CBLC: variants seen among roughly 807,000 people sequenced by gnomAD.
The protein encoded by CBLC is Cbl proto-oncogene C.
A neutral mutation model predicts 58.6 loss-of-function variants in CBLC; 46 were observed. The observed-to-expected ratio is 0.79, with a 90% CI of 0.62 to 1.00. The LOEUF (loss-of-function observed/expected upper bound fraction) is 1.00. Among genes scored for constraint, CBLC ranks in the 50% least tolerant of loss-of-function variants. CBLC has a pLI of 0.00. For missense variants in CBLC, 655 were observed against 625.8 expected, an observed-to-expected ratio of 1.05 and a Z score of -0.50; for synonymous variants, 271 against 264.2, an observed-to-expected ratio of 1.03 and a Z score of -0.25.
chr19:44,788,185 G>A (rs1247377722), intron 5 of CBLC, among the ~76,000 whole-genome samples: 1 of 151,954 alleles, frequency 6.6e-6, no homozygotes, highest in Admixed American at 6.6e-5. Context: ...CATGAACACG[G>A]CTCACTGCTG....
At chr19:44,783,652 G>C (rs553572970) in intron 4 of CBLC, among the ~76,000 whole-genome samples, 70 of 152,268 alleles carry the variant, frequency 4.6e-4, no homozygotes, top group African/African-American at 1.6e-3. Flanking sequence ...CTGCACTCCA[G>C]CCTGGGCAAC....
In CBLC at chr19:44,800,413, G is replaced by T. The variant is rs1011305311; in HGVS notation, c.1395G>T (p.Ala465=). 1 of 1,613,360 alleles carries T rather than the reference G, an allele frequency of 6.2e-7. No homozygotes were observed. The highest frequency in any genetic ancestry group is 2.2e-5 in the East Asian group (1 of 44,850). The stretch of plus-strand genomic sequence containing the variant: ...TAAAGGGGAACTCCCCTCCAGCTGC[G>T]CTGGGACCCCAGGACCCTGCCCCGG... ...RLLKGNSPPA[A]LGPQDPAPA Residue 465 remains alanine, a synonymous_variant, in exon 10 of 11, where the codon GCG becomes GCT. Coordinates refer to ENST00000647358, the MANE Select transcript of CBLC (RefSeq NM_012116.4).
chr19:44,787,431 G>T (rs141293695), intron 5 of CBLC, among the ~76,000 whole-genome samples: 1 of 151,778 alleles, frequency 6.6e-6, no homozygotes, highest in African/African-American at 2.4e-5. Flanking sequence ...GTCAATCGTA[G>T]AAGTCCCTTC....
chr19:44,796,888 A>C (rs1374096398), intron 9 of CBLC, among the ~76,000 whole-genome samples: 3 of 149,440 alleles, frequency 2.0e-5, no homozygotes, highest in African/African-American at 7.3e-5. Context: ...AGCAAACAAG[A>C]GAGCCAGCAG....
At chr19:44,784,470 A>C (rs1599861766) in intron 5 of CBLC, 69 bp downstream of exon 5, 8 of 1,448,910 alleles carry the variant, frequency 5.5e-6, no homozygotes, top group Non-Finnish European at 9.3e-7. Flanking sequence ...CATGTTGTGC[A>C]CTGCCGGTGG....
chr19:44,780,295 G>A (rs1417057300), intron 1 of CBLC, among the ~76,000 whole-genome samples: 1 of 149,834 alleles, frequency 6.7e-6, no homozygotes, highest in East Asian at 2.0e-4. Context: ...CCACCACGCA[G>A]CGATAATTTT....
At chr19:44,780,562 T>A (rs1341250840) in intron 1 of CBLC, among the ~76,000 whole-genome samples, 1 of 146,330 alleles carries the variant, frequency 6.8e-6, no homozygotes, top group Non-Finnish European at 1.5e-5. Context: ...TACCTCTGCC[T>A]CCCGGGCTCC....
At chr19:44,781,987 G>A (rs1174598339) in intron 3 of CBLC, among the ~76,000 whole-genome samples, 2 of 143,518 alleles carry the variant, frequency 1.4e-5, no homozygotes, top group East Asian at 2.1e-4. Flanking sequence ...GGACTCCTGG[G>A]TCTGAGGGAG....
intron 5 of CBLC, among the ~76,000 whole-genome samples, chr19:44,785,415 G>A (rs965209800): frequency 1.3e-5 from 2 of 151,702 alleles, no homozygotes; most frequent in Non-Finnish European, 2.9e-5. Flanking sequence ...CAGGAAGACA[G>A]GTTTCTTTTC....
chr19:44,778,202 A>G lies in CBLC; in HGVS notation c.271A>G (p.Ser91Gly). 6.7e-7 allele frequency: 1 copy of G among 1,503,336 alleles called. No homozygotes were observed. The highest frequency in any genetic ancestry group is 8.9e-7 in the Non-Finnish European group (1 of 1,127,408). The allele number at this position is 1,503,336 out of a possible 1,614,324, so 93.1% of individuals were successfully genotyped here. Residue 91 changes from serine (S) to glycine (G), a missense_variant, in exon 1 of 11, where the codon AGC (serine) becomes GGC (glycine). Ser to Gly is a moderately conservative substitution (Grantham distance 56). Coordinates refer to ENST00000647358, the MANE Select transcript of CBLC (RefSeq NM_012116.4). The stretch of plus-strand genomic sequence containing the variant: ...CTACCTGGCCAATCTGGAGGCCAAG[A>G]GCAGGCAGGTGGCCGCGCTGCTGCC... ...LIYLANLEAKSRQVAALLPPR... is the reference protein window; with the variant it reads ...LIYLANLEAKGRQVAALLPPR...
intron 5 of CBLC, among the ~76,000 whole-genome samples, chr19:44,785,037 T>C (rs182745935): frequency 2.2e-5 from 3 of 139,292 alleles, no homozygotes; most frequent in Admixed American, 1.6e-4. Flanking sequence ...AATGGCATGA[T>C]CTCGGCTCAC....
rs777753616 is a variant in CBLC, at chr19:44,778,119, G to C, written c.188G>C (p.Arg63Pro). The C allele has an allele frequency of 6.3e-7, 1 of 1,599,962 alleles. No individual in the cohort carries two copies. The highest frequency in any genetic ancestry group is 1.3e-5 in the African/African-American group (1 of 74,296). The change falls in exon 1 of 11, where the codon CGG becomes CCG. Residue 63 changes from arginine (R) to proline (P), a missense_variant. By Grantham distance (103) the Arg-to-Pro change is moderately radical. Around this residue, in one of 3 missense-constraint regions of CBLC, gnomAD observed 280 missense variants for 237.2 expected, o/e 1.18. Coordinates refer to ENST00000647358, the MANE Select transcript of CBLC (RefSeq NM_012116.4). ...CTTCGAGAGGTGGCCCATTCTCGGC[G>C]GGCGGCCGGCGGAGGCGGCCCCGGG... ...QLLREVAHSR[R>P]AAGGGGPGGP...
chr19:44,785,571 GATA>G (rs1391883154), intron 5 of CBLC, among the ~76,000 whole-genome samples: 5 of 151,616 alleles, frequency 3.3e-5, no homozygotes, highest in Non-Finnish European at 1.5e-5. Context: ...TAGATAGATA[GATA>G]GGCAGATAGG....
At chr19:44,796,871 C>T (rs1380909237) in intron 9 of CBLC, among the ~76,000 whole-genome samples, 1 of 151,556 alleles carries the variant, frequency 6.6e-6, no homozygotes, top group Non-Finnish European at 1.5e-5. Context: ...GAACATTATT[C>T]GACCACAGCA....
intron 9 of CBLC, among the ~76,000 whole-genome samples, chr19:44,795,775 G>A (rs1968164759): frequency 6.6e-6 from 1 of 152,204 alleles, no homozygotes; most frequent in East Asian, 1.9e-4. Flanking sequence ...CAACCTTCCT[G>A]CAGGTCAGGC....
At chr19:44,784,950 GTTTTTTTTTTTTTTTTT>G (rs58171575) in intron 5 of CBLC, among the ~76,000 whole-genome samples, 36 of 34,364 alleles carry the variant, frequency 1.0e-3, no homozygotes, top group African/African-American at 1.7e-3. Flanking sequence ...CTAGACAGGT[GTTTTTTTTTTTTTTTTT>G]TTTTTTTTTT....
rs755514112 is a variant in CBLC, at chr19:44,800,371, TC to T, written c.1363-8del. 4 of 1,600,450 alleles carry T rather than the reference TC, an allele frequency of 2.5e-6. No individual in the cohort carries two copies. The African/African-American group carries it at 5.4e-5, about 21-fold the overall frequency. ...GAATCAACCGCCCTCTCAAAATATC[TC>T]CATTGCAGAGACTCCTAAAGGGGAA... On this transcript the variant is annotated splice_polypyrimidine_tract_variant and intron_variant, in intron 9 of 10. Transcript: ENST00000647358.
rs749140883 is a variant in CBLC at position 44,784,250 on chromosome 19, A to T, written c.780-14A>T. Reference sequence around the variant, plus strand: ...ACCACTCCCTCACCCCATCCTACCTACCTCTCCCTCCAGTTACATCTTCCG... The same window carrying T: ...ACCACTCCCTCACCCCATCCTACCTTCCTCTCCCTCCAGTTACATCTTCCG... On this transcript the variant is annotated splice_polypyrimidine_tract_variant and intron_variant, in intron 4 of 10. Coordinates refer to ENST00000647358, the MANE Select transcript of CBLC (RefSeq NM_012116.4). The T allele has an allele frequency of 5.1e-6, 8 of 1,559,804 alleles. 1 individual carries two copies. The South Asian group carries it at 9.1e-5, about 18-fold the overall frequency.
At chr19:44,782,267 A>G (rs1967769021) in intron 3 of CBLC, 103 bp from the exon 4 acceptor site, 2 of 1,524,834 alleles carry the variant, frequency 1.3e-6, no homozygotes, top group South Asian at 2.5e-5. Flanking sequence ...GAGGCCCACC[A>G]TGGGTGTGAA....
Sources: allele counts gnomAD v4.1 joint callset (sites outside exome capture counted in the v4.1 genomes callset), GRCh38; gene constraint gnomAD v4.1.1; regional missense constraint gnomAD v4.1.1; transcripts MANE v1.5; gene names NCBI Gene and HGNC (gene_info 2026-07-23, HGNC 2026-07-21).